PPP2R2C: variants seen among roughly 807,000 people sequenced by gnomAD.
PPP2R2C encodes protein phosphatase 2 regulatory subunit Bgamma, also known as protein phosphatase 2, regulatory subunit B, gamma.
Under a neutral mutation model 45.3 loss-of-function variants are expected in PPP2R2C, and 10 were observed. That is an observed-to-expected ratio of 0.22 (90% CI 0.14 to 0.37). The LOEUF is 0.37. Among genes scored for constraint, PPP2R2C ranks in the 10% least tolerant of loss-of-function variants. The pLI is 1.00. For missense variants in PPP2R2C, 308 were observed against 619.7 expected (o/e 0.50, Z 5.34); for synonymous variants, 257 against 245.4 (o/e 1.05, Z -0.44).
chr4:6,352,352 C>A (rs886256508), intron 5 of PPP2R2C, among the ~76,000 whole-genome samples: 10 of 152,164 alleles, frequency 6.6e-5, no homozygotes, highest in African/African-American at 2.4e-5. Flanking sequence ...CAGGACTAAC[C>A]GCAGGTGGCC....
chr4:6,532,822 A>G (rs1018892025), intron 2 of PPP2R2C, among the ~76,000 whole-genome samples: 7 of 152,178 alleles, frequency 4.6e-5, no homozygotes, highest in African/African-American at 1.7e-4. Context: ...TTGCCAGCCA[A>G]CATTCTGAGT....
chr4:6,504,457 A>G (rs1560589323), intron 2 of PPP2R2C, among the ~76,000 whole-genome samples: 1 of 148,318 alleles, frequency 6.7e-6, no homozygotes. Context: ...AACCCAAAAG[A>G]AAAAAAAAAT....
intron 6 of PPP2R2C, among the ~76,000 whole-genome samples, chr4:6,340,663 C>T (rs1733375926): frequency 2.6e-5 from 4 of 152,228 alleles, no homozygotes; most frequent in Admixed American, 2.6e-4. Flanking sequence ...CGTGAACACG[C>T]TAGCCCCCAG....
At chr4:6,496,989 G>A (rs967276540) in intron 2 of PPP2R2C, among the ~76,000 whole-genome samples, 2 of 152,208 alleles carry the variant, frequency 1.3e-5, no homozygotes, top group East Asian at 1.9e-4. Flanking sequence ...AGGTATAAGA[G>A]CGTGATCCAT....
At chr4:6,556,828 T>C (rs1577257613) in intron 1 of PPP2R2C, among the ~76,000 whole-genome samples, 2 of 152,050 alleles carry the variant, frequency 1.3e-5, no homozygotes, top group East Asian at 3.9e-4. Context: ...GAGTTGGTTA[T>C]TATCACAGAA....
At chr4:6,422,385 C>A (rs980355976) in intron 1 of PPP2R2C, among the ~76,000 whole-genome samples, 1 of 152,212 alleles carries the variant, frequency 6.6e-6, no homozygotes, top group Non-Finnish European at 1.5e-5. Flanking sequence ...GAGTTCACCT[C>A]TCTGAGCCTC....
intron 1 of PPP2R2C, among the ~76,000 whole-genome samples, chr4:6,402,356 G>C (rs1477090731): frequency 6.6e-6 from 1 of 152,224 alleles, no homozygotes; most frequent in Non-Finnish European, 1.5e-5. Context: ...AGGCTGAAGG[G>C]AAAGTATAAT....
chr4:6,499,091 G>T (rs1722964452), intron 2 of PPP2R2C, among the ~76,000 whole-genome samples: 1 of 152,130 alleles, frequency 6.6e-6, no homozygotes, highest in South Asian at 2.1e-4. Context: ...GGCAGATTGG[G>T]AGGGGAAAAG....
chr4:6,525,983 G>A (rs986785949), intron 2 of PPP2R2C, among the ~76,000 whole-genome samples: 1 of 152,168 alleles, frequency 6.6e-6, no homozygotes, highest in Non-Finnish European at 1.5e-5. Context: ...ATTACAGCAC[G>A]TGAGCCACGT....
Position 6,383,326 on chromosome 4 carries a change from C to A in PPP2R2C, c.71-2232G>T, listed in dbSNP as rs747788927. 21 of 1,285,288 alleles carry A rather than the reference C, an allele frequency of 1.6e-5. No individual in the cohort carries two copies. In the South Asian group the frequency reaches 2.4e-4, roughly 15 times the overall value. The allele number at this position is 1,285,288 out of a possible 1,614,324, so 79.6% of individuals were successfully genotyped here. Reference sequence around the variant, plus strand: ...CCCAGCCAAGCCCAGACCACAGAATCGCAGATGCAAGATGATGAAAACATT... The same window carrying A: ...CCCAGCCAAGCCCAGACCACAGAATAGCAGATGCAAGATGATGAAAACATT... On this transcript the variant is annotated intron_variant, in intron 1 of 8. Transcript: ENST00000382599.
intron 1 of PPP2R2C, among the ~76,000 whole-genome samples, chr4:6,443,221 G>C (rs113482627): frequency 3.7e-4 from 57 of 152,264 alleles, no homozygotes; most frequent in Admixed American, 1.8e-3. Flanking sequence ...CCCGGCCGCC[G>C]CCTGGCAGGA....
chr4:6,431,590 C>A (rs1025605244), intron 1 of PPP2R2C, among the ~76,000 whole-genome samples: 1 of 152,086 alleles, frequency 6.6e-6, no homozygotes, highest in Non-Finnish European at 1.5e-5. Context: ...GGTCCAGAGC[C>A]CCCCCTTCCC....
At chr4:6,427,253 A>G (rs1343973842) in intron 1 of PPP2R2C, among the ~76,000 whole-genome samples, 1 of 152,256 alleles carries the variant, frequency 6.6e-6, no homozygotes, top group Non-Finnish European at 1.5e-5. Context: ...GATGAATAAA[A>G]GAACTGAGCT....
chr4:6,349,622 C>T (rs1326951359), intron 5 of PPP2R2C: 63 of 971,246 alleles, frequency 6.5e-5, no homozygotes, highest in East Asian at 1.1e-4. Flanking sequence ...GGGCGGATCA[C>T]GAGGTCAGGA....
At chr4:6,523,937 C>G (rs1724108851) in intron 2 of PPP2R2C, among the ~76,000 whole-genome samples, 1 of 152,078 alleles carries the variant, frequency 6.6e-6, no homozygotes, top group Admixed American at 6.5e-5. Flanking sequence ...TTTTTTGAGA[C>G]AGTTTCGCTC....
At chr4:6,348,219 C>CGG (rs1712186307) in intron 5 of PPP2R2C, among the ~76,000 whole-genome samples, 1 of 151,794 alleles carries the variant, frequency 6.6e-6, no homozygotes, top group Non-Finnish European at 1.5e-5. Context: ...GGTGCCTGTC[C>CGG]CCTGTTCCCA....
At chr4:6,424,327 G>A (rs1268764446) in intron 1 of PPP2R2C, among the ~76,000 whole-genome samples, 1 of 152,248 alleles carries the variant, frequency 6.6e-6, no homozygotes, top group Non-Finnish European at 1.5e-5. Context: ...TGCGTGAGCT[G>A]ACGGTTCCTC....
intron 2 of PPP2R2C, among the ~76,000 whole-genome samples, chr4:6,492,559 T>G (rs1017468558): frequency 2.6e-5 from 4 of 152,206 alleles, no homozygotes; most frequent in Admixed American, 1.3e-4. Context: ...CCATCTGAAC[T>G]GATAATCCCT....
At chr4:6,400,587 G>C (rs1277481373) in intron 1 of PPP2R2C, among the ~76,000 whole-genome samples, 1 of 152,206 alleles carries the variant, frequency 6.6e-6, no homozygotes, top group Non-Finnish European at 1.5e-5. Flanking sequence ...TGGGTGATTT[G>C]GGTGTTTGAT....
Sources: gnomAD v4.1 joint callset for allele counts (sites outside exome capture counted in the v4.1 genomes callset) on GRCh38, gnomAD v4.1.1 for gene constraint, MANE v1.5 for transcripts, NCBI Gene and HGNC (gene_info 2026-07-23, HGNC 2026-07-21) for gene names.